Variants in NR2F1-AS1 observed in about 807,000 individuals in gnomAD.
The protein encoded by NR2F1-AS1 is NR2F1 antisense RNA 1.
intron 4 of NR2F1-AS1, among the ~76,000 whole-genome samples, chr5:93,471,569 C>A (rs1372051584): frequency 6.6e-6 from 1 of 151,764 alleles, no homozygotes; most frequent in Non-Finnish European, 1.5e-5. Flanking sequence ...GTAGTAATTA[C>A]ACCTTTGGTT....
chr5:93,563,507 A>G (rs1180397020), intron 1 of NR2F1-AS1: 5 of 152,190 alleles, frequency 3.3e-5, no homozygotes, highest in Non-Finnish European at 5.9e-5. Flanking sequence ...AAAATTCCTT[A>G]TATTACAGAT....
At chr5:93,505,423 C>T (rs957434578) in intron 4 of NR2F1-AS1, among the ~76,000 whole-genome samples, 2 of 152,212 alleles carry the variant, frequency 1.3e-5, no homozygotes, top group Non-Finnish European at 2.9e-5. Flanking sequence ...CTAGGAAATG[C>T]CCCAGTAGGA....
intron 4 of NR2F1-AS1, among the ~76,000 whole-genome samples, chr5:93,531,634 T>G (rs1751738289): frequency 6.6e-6 from 1 of 152,246 alleles, no homozygotes; most frequent in African/African-American, 2.4e-5. Flanking sequence ...TTTACCATCT[T>G]TTCATTGTCT....
intron 2 of NR2F1-AS1, among the ~76,000 whole-genome samples, chr5:93,562,739 C>T (rs1366770937): frequency 1.3e-5 from 2 of 152,056 alleles, no homozygotes; most frequent in African/African-American, 4.8e-5. Context: ...AAATTATTAG[C>T]AAAAGACCAT....
At chr5:93,570,219 A>G (rs1752719868) in intron 1 of NR2F1-AS1, 1 of 152,238 alleles carries the variant, frequency 6.6e-6, no homozygotes, top group Non-Finnish European at 1.5e-5. Flanking sequence ...CTGACTCTAC[A>G]GCTTTTTGAA....
intron 4 of NR2F1-AS1, among the ~76,000 whole-genome samples, chr5:93,473,861 G>A (rs1368525850): frequency 6.6e-6 from 1 of 151,828 alleles, no homozygotes; most frequent in African/African-American, 2.4e-5. Flanking sequence ...GGATACTTGA[G>A]AAATTAATTA....
chr5:93,542,833 G>C (rs1284282591), intron 4 of NR2F1-AS1: 1 of 152,218 alleles, frequency 6.6e-6, no homozygotes, highest in Non-Finnish European at 1.5e-5. Context: ...GTGGCACATA[G>C]ACCAGAAAAC....
At chr5:93,427,676 G>A (rs1749223424) in intron 4 of NR2F1-AS1, among the ~76,000 whole-genome samples, 1 of 152,024 alleles carries the variant, frequency 6.6e-6, no homozygotes, top group Admixed American at 6.6e-5. Context: ...AAATTCTTTG[G>A]TCTGTTCAAG....
chr5:93,483,233 C>A (rs1418582507), intron 4 of NR2F1-AS1, among the ~76,000 whole-genome samples: 2 of 152,114 alleles, frequency 1.3e-5, no homozygotes, highest in Non-Finnish European at 2.9e-5. Context: ...CCCTCTGGGA[C>A]AAAGCTTCCA....
At chr5:93,511,369 C>T (rs565431984) in intron 4 of NR2F1-AS1, among the ~76,000 whole-genome samples, 2 of 152,286 alleles carry the variant, frequency 1.3e-5, no homozygotes, top group South Asian at 4.1e-4. Context: ...ACCTGGTTCT[C>T]AGTCCTTCAG....
At chr5:93,581,713 TCTCTCTCTCTCTCTCTCTCTCC>T (rs1753047632), upstream of NR2F1-AS1, among the ~76,000 whole-genome samples, 3 of 63,896 alleles carry the variant, frequency 4.7e-5, no homozygotes, top group African/African-American at 2.6e-4. Context: ...TCTCTCTCTC[TCTCTCTCTCTCTCTCTCTCTCC>T]CCCTCTCCCT....
At chr5:93,564,197 T>A (rs1395643630) in intron 1 of NR2F1-AS1, among the ~76,000 whole-genome samples, 1 of 136,528 alleles carries the variant, frequency 7.3e-6, no homozygotes, top group African/African-American at 2.7e-5. Context: ...AAGCTACTAT[T>A]AGCAGCGTCA....
At chr5:93,530,552 G>A (rs932132016) in intron 4 of NR2F1-AS1, among the ~76,000 whole-genome samples, 2 of 152,094 alleles carry the variant, frequency 1.3e-5, no homozygotes, top group African/African-American at 4.8e-5. Flanking sequence ...AAGGACCAAT[G>A]GTAACAACCT....
At chr5:93,572,508 G>A (rs1010543744) in intron 1 of NR2F1-AS1, among the ~76,000 whole-genome samples, 13 of 152,254 alleles carry the variant, frequency 8.5e-5, no homozygotes, top group Middle Eastern at 3.4e-3. Context: ...CTGGCTCCCC[G>A]TCCCTCCTCG....
At chr5:93,540,381 G>A (rs529563956) in intron 4 of NR2F1-AS1, among the ~76,000 whole-genome samples, 20 of 152,248 alleles carry the variant, frequency 1.3e-4, no homozygotes, top group African/African-American at 4.3e-4. Context: ...TCTGGTTTCT[G>A]TTTCCTTTTC....
chr5:93,585,124 G>T (rs1753206176), upstream of NR2F1-AS1: 2 of 1,007,558 alleles, frequency 2.0e-6, no homozygotes, highest in Admixed American at 6.0e-5. Flanking sequence ...CGCGGCGGCG[G>T]CGGCGGCGCC....
rs544989922 is a variant in NR2F1-AS1 at position 93,483,263 on chromosome 5, A to G, written n.638+70498T>C. ...CTTCCAGAGGAAGGAAAAGGCAGCA[A>G]TCTTTGCTGTTCTGAAGCCTCTGCT... On this transcript the variant is annotated intron_variant and non_coding_transcript_variant, in intron 4 of 5. Transcript: ENST00000660523. Among the ~76,000 whole-genome samples, 224 of 152,278 alleles carry G rather than the reference A, an allele frequency of 1.5e-3. 2 individuals carry two copies. The highest frequency in any genetic ancestry group is 2.7e-3 in the South Asian group (13 of 4,828).
At chr5:93,480,038 T>C (rs953143257) in intron 4 of NR2F1-AS1, among the ~76,000 whole-genome samples, 11 of 152,052 alleles carry the variant, frequency 7.2e-5, no homozygotes, top group East Asian at 3.9e-4. Context: ...ACAGGACTTA[T>C]AGGACATCAT....
At chr5:93,556,170 C>T (rs1025153310) in intron 2 of NR2F1-AS1, among the ~76,000 whole-genome samples, 1 of 152,170 alleles carries the variant, frequency 6.6e-6, no homozygotes, top group Non-Finnish European at 1.5e-5. Flanking sequence ...ATCTCAACTT[C>T]ATCGTACTAC....
Sources: allele counts gnomAD v4.1 joint callset (sites outside exome capture counted in the v4.1 genomes callset), GRCh38; gene constraint gnomAD v4.1.1; transcripts MANE v1.5; gene names NCBI Gene and HGNC (gene_info 2026-07-23, HGNC 2026-07-21).